The following OR51B5 variants were observed in gnomAD, a reference collection of about 807,000 sequenced individuals.
OR51B5 encodes olfactory receptor family 51 subfamily B member 5, also known as olfactory receptor 51B5.
For synonymous variants in OR51B5, 186 were observed against 144.8 expected, an observed-to-expected ratio of 1.28 and a Z score of -2.04; for missense variants, 456 against 374.6, an observed-to-expected ratio of 1.22 and a Z score of -1.79.
At chr11:5,474,303 A>G (rs973771847) in intron 1 of OR51B5, among the ~76,000 whole-genome samples, 2 of 152,122 alleles carry the variant, frequency 1.3e-5, no homozygotes, top group African/African-American at 4.8e-5. Context: ...ATTAAAATTC[A>G]TGATTATAAA....
chr11:5,407,882 G>A (rs971881), intron 1 of OR51B5, among the ~76,000 whole-genome samples: 58,186 of 151,362 alleles, frequency 0.38, 12,769 homozygotes, highest in Non-Finnish European at 0.5. Flanking sequence ...GATTAATTTT[G>A]TATCCACATT....
chr11:5,413,700 G>A (rs986535410), intron 1 of OR51B5, among the ~76,000 whole-genome samples: 1 of 152,124 alleles, frequency 6.6e-6, no homozygotes, highest in Non-Finnish European at 1.5e-5. Context: ...AAGATGAAAT[G>A]AATGAAATGA....
chr11:5,411,117 T>C (rs772775746), intron 1 of OR51B5, among the ~76,000 whole-genome samples: 22 of 152,244 alleles, frequency 1.4e-4, no homozygotes, highest in Non-Finnish European at 2.8e-4. Context: ...GGACTTTTCA[T>C]CCACTCACCA....
chr11:5,505,398 C>T (rs1307073313), intron 1 of OR51B5: 1 of 1,304,012 alleles, frequency 7.7e-7, no homozygotes, highest in Non-Finnish European at 1.0e-6. Context: ...TCTTCATTTC[C>T]CCTAGCACCA....
intron 1 of OR51B5, among the ~76,000 whole-genome samples, chr11:5,475,748 A>C (rs1851295721): frequency 6.6e-6 from 1 of 152,212 alleles, no homozygotes; most frequent in African/African-American, 2.4e-5. Context: ...ACCCAGCATG[A>C]TGTTTAGCAA....
chr11:5,404,979 G>A (rs567512244), intron 1 of OR51B5, among the ~76,000 whole-genome samples: 31 of 152,076 alleles, frequency 2.0e-4, no homozygotes, highest in Non-Finnish European at 3.8e-4. Context: ...TCACCTTGAG[G>A]GTCCTCGGCT....
At chr11:5,376,831 C>T (rs867113690) in intron 1 of OR51B5, among the ~76,000 whole-genome samples, 1 of 148,776 alleles carries the variant, frequency 6.7e-6, no homozygotes, top group Non-Finnish European at 1.5e-5. Context: ...GCTTACCAAC[C>T]AAAAAGAGTC....
chr11:5,383,162 T>C (rs1168584325), intron 1 of OR51B5, among the ~76,000 whole-genome samples: 1 of 152,104 alleles, frequency 6.6e-6, no homozygotes, highest in Non-Finnish European at 1.5e-5. Flanking sequence ...TAAAGGCTAC[T>C]TGTTGTAGGG....
At chr11:5,459,897 T>A (rs1465243055) in intron 1 of OR51B5, among the ~76,000 whole-genome samples, 1 of 152,178 alleles carries the variant, frequency 6.6e-6, no homozygotes, top group South Asian at 2.1e-4. Context: ...CCCAAAGGTA[T>A]ATAAATTGTT....
At position 5,401,430 on chromosome 11, in the gene OR51B5, A is replaced by C. The variant is rs542736759; in HGVS notation, n.85-54520T>G. 5.9e-5 allele frequency among the ~76,000 whole-genome samples: 9 copies of C among 152,360 alleles called. No homozygotes were observed. In the South Asian group the frequency reaches 1.2e-3, roughly 21 times the overall value. On this transcript the variant is annotated intron_variant and non_coding_transcript_variant, in intron 1 of 4. Coordinates refer to the OR51B5 transcript ENST00000415970. Reference sequence around the variant, plus strand: ...CACATAATCTTTCTAGTTGACTCCTAGAATTTTCAAAACATGGGACAGCTA... The same window carrying C: ...CACATAATCTTTCTAGTTGACTCCTCGAATTTTCAAAACATGGGACAGCTA...
At chr11:5,446,775 C>T (rs756444667) in intron 1 of OR51B5, among the ~76,000 whole-genome samples, 57 of 152,256 alleles carry the variant, frequency 3.7e-4, no homozygotes, top group Middle Eastern at 3.4e-3. Context: ...CAGTGGATGC[C>T]ACAGAAACAT....
At chr11:5,481,557 G>C (rs1339928741) in intron 1 of OR51B5, among the ~76,000 whole-genome samples, 1 of 150,306 alleles carries the variant, frequency 6.7e-6, no homozygotes, top group Non-Finnish European at 1.5e-5. Flanking sequence ...CAGGAAAAGA[G>C]GAAGTCAAAT....
At chr11:5,383,329 T>A (rs1849639416) in intron 1 of OR51B5, among the ~76,000 whole-genome samples, 1 of 152,152 alleles carries the variant, frequency 6.6e-6, no homozygotes, top group Non-Finnish European at 1.5e-5. Context: ...GAGGGCAATT[T>A]AATTATCTGC....
intron 1 of OR51B5, among the ~76,000 whole-genome samples, chr11:5,378,813 C>A (rs1849567655): frequency 6.6e-6 from 1 of 150,928 alleles, no homozygotes; most frequent in African/African-American, 2.4e-5. Context: ...CAGGAAACAA[C>A]AGGTGCTGGA....
chr11:5,464,437 C>CT (rs1851105916), intron 1 of OR51B5, among the ~76,000 whole-genome samples: 1 of 138,870 alleles, frequency 7.2e-6, no homozygotes, highest in Non-Finnish European at 1.6e-5. Context: ...ATCCCTCCCC[C>CT]CCACCCACCC....
At chr11:5,463,826 C>T (rs1474265711) in intron 1 of OR51B5, among the ~76,000 whole-genome samples, 2 of 152,258 alleles carry the variant, frequency 1.3e-5, no homozygotes, top group East Asian at 1.9e-4. Flanking sequence ...GTCAACATAT[C>T]CTGAGATTTG....
intron 1 of OR51B5, among the ~76,000 whole-genome samples, chr11:5,381,768 T>C (rs1035406207): frequency 6.6e-6 from 1 of 152,224 alleles, no homozygotes; most frequent in Non-Finnish European, 1.5e-5. Flanking sequence ...GAATCAAAAA[T>C]GCTGAGTTCT....
chr11:5,351,941 G>T, intron 1 of OR51B5: 1 of 1,612,870 alleles, frequency 6.2e-7, no homozygotes, highest in Non-Finnish European at 8.5e-7. Context: ...ATTGGTGTGC[G>T]GGTATTGACA....
At chr11:5,389,423 C>T (rs772442169) in intron 1 of OR51B5, 1 of 1,613,864 alleles carries the variant, frequency 6.2e-7, no homozygotes, top group South Asian at 1.1e-5. Flanking sequence ...TTCGCTCAGT[C>T]CTCAATTCAT....
Sources: allele counts gnomAD v4.1 joint callset (sites outside exome capture counted in the v4.1 genomes callset), GRCh38; gene constraint gnomAD v4.1.1; transcripts MANE v1.5; gene names NCBI Gene and HGNC (gene_info 2026-07-23, HGNC 2026-07-21).